Variants in PARP14 observed in about 807,000 individuals in gnomAD.
PARP14 encodes protein mono-ADP-ribosyltransferase PARP14.
A neutral mutation model predicts 154.2 loss-of-function variants in PARP14; 59 were observed. The ratio of observed to expected loss-of-function variants is 0.38; its 90% CI spans 0.31 to 0.48. The LOEUF (loss-of-function observed/expected upper bound fraction) is 0.48, where lower values mean the gene tolerates loss of function less well. Among genes scored for constraint, PARP14 ranks in the 20% least tolerant of loss-of-function variants. The pLI is 0.98. For synonymous variants in PARP14, 720 were observed against 780.5 expected (o/e 0.92, Z 1.29); for missense variants, 1,734 against 2,131.6 (o/e 0.81, Z 3.67).
intron 8 of PARP14, among the ~76,000 whole-genome samples, chr3:122,707,341 A>T (rs182478655): frequency 1.3e-5 from 2 of 151,910 alleles, no homozygotes; most frequent in African/African-American, 2.4e-5. Flanking sequence ...AGATTGTGCC[A>T]CTACACTCCA....
chr3:122,707,850 A>G (rs1254052696), intron 8 of PARP14, among the ~76,000 whole-genome samples: 2 of 152,234 alleles, frequency 1.3e-5, no homozygotes, highest in Non-Finnish European at 2.9e-5. Flanking sequence ...TTAATGGCTA[A>G]TAAATACTCC....
intron 15 of PARP14, among the ~76,000 whole-genome samples, chr3:122,725,894 A>G (rs1236367093): frequency 6.6e-6 from 1 of 150,664 alleles, no homozygotes; most frequent in East Asian, 1.9e-4. Context: ...CATTATTTCT[A>G]TTTCATTTTC....
In PARP14 at chr3:122,718,538, T is replaced by G; in HGVS notation, c.4387T>G (p.Cys1463Gly). The change falls in exon 14 of 17, where the codon TGC (cysteine) becomes GGC (glycine). Residue 1463 changes from cysteine to glycine, a missense_variant. Transcript: ENST00000474629. The part of the protein sequence containing the change: ...EQCPYTSEDE[C>G]IKDFDEKEYQ... ...GTGTCCTTACACCAGTGAAGATGAG[T>G]GCATCAAAGACTTTGATGAAAAGGA... is the stretch of plus-strand genomic sequence containing the variant. 6.2e-7 allele frequency: 1 copy of G among 1,613,724 alleles called. No homozygotes were observed. Among genetic ancestry groups the G allele is most frequent in the Non-Finnish European group, 8.5e-7 (1 of 1,179,710 alleles).
At chr3:122,688,333 G>C (rs1485534252) in intron 3 of PARP14, among the ~76,000 whole-genome samples, 1 of 152,276 alleles carries the variant, frequency 6.6e-6, no homozygotes, top group East Asian at 1.9e-4. Flanking sequence ...TGACTTCATA[G>C]ATTTTTACCT....
chr3:122,714,520 C>A, intron 12 of PARP14, 91 bp downstream of exon 12: 1 of 976,600 alleles, frequency 1.0e-6, no homozygotes. Flanking sequence ...AGTGCTGAGT[C>A]TGACCCAGGG....
At chr3:122,711,020 A>ATT (rs1560073632) in intron 9 of PARP14, among the ~76,000 whole-genome samples, 39 of 151,878 alleles carry the variant, frequency 2.6e-4, no homozygotes, top group Admixed American at 4.6e-4. Context: ...GTATACAATC[A>ATT]TATTATCTGC....
rs568836971 is a variant in PARP14, at chr3:122,707,982, C to T, written c.3541-208C>T. Among the ~76,000 whole-genome samples the T allele has an allele frequency of 3.8e-4, 58 of 152,260 alleles. 1 individual carries two copies. Among genetic ancestry groups the T allele is most frequent in the Non-Finnish European group, 6.6e-4 (45 of 68,018 alleles). ...TATTTATCCACATCGTTGTCCACAT[C>T]GTTGATATTTTCATTAGACACATTT... On this transcript the variant is annotated intron_variant, in intron 8 of 16. Coordinates refer to ENST00000474629, the MANE Select transcript of PARP14 (RefSeq NM_017554.3).
At chr3:122,698,303 T>C (rs1413755874) in intron 5 of PARP14, among the ~76,000 whole-genome samples, 1 of 152,264 alleles carries the variant, frequency 6.6e-6, no homozygotes, top group Non-Finnish European at 1.5e-5. Context: ...TTAACCCAAG[T>C]TGTTATTGGA....
intron 9 of PARP14, among the ~76,000 whole-genome samples, chr3:122,712,240 C>CTTTTTTTTTTTT (rs55876947): frequency 7.2e-6 from 1 of 138,358 alleles, no homozygotes; most frequent in Non-Finnish European, 1.6e-5. Flanking sequence ...GGATTCACAT[C>CTTTTTTTTTTTT]TTTTTTTTTT....
At chr3:122,685,477 G>A (rs1282253436) in intron 2 of PARP14, among the ~76,000 whole-genome samples, 159 bp downstream of exon 2, 4 of 151,902 alleles carry the variant, frequency 2.6e-5, no homozygotes, top group East Asian at 3.9e-4. Context: ...CAGTGGTAGG[G>A]TAGGGTAGTA....
intron 3 of PARP14, among the ~76,000 whole-genome samples, chr3:122,689,813 A>G (rs1938484342): frequency 2.0e-5 from 3 of 151,496 alleles, no homozygotes; most frequent in African/African-American, 7.3e-5. Flanking sequence ...CACCCTTACC[A>G]CAAGCTGGGA....
chr3:122,718,601 A>G lies in PARP14; in HGVS notation c.4450A>G (p.Ile1484Val), dbSNP rs1560080911. Residue 1484 changes from isoleucine (I) to valine (V), a missense_variant, in exon 14 of 17, where the codon ATT becomes GTT. By Grantham distance (29) the Ile-to-Val change is conservative. Coordinates refer to ENST00000474629, the MANE Select transcript of PARP14 (RefSeq NM_017554.3). ...ELNELQKKLNINISLDHKRPL... is the reference protein window; with the variant it reads ...ELNELQKKLNVNISLDHKRPL... Reference sequence around the variant, plus strand: ...GAATGAGCTGCAGAAGAAGTTAAATATTAACATTTCCCTGGACCATAAGAG... The same window carrying G: ...GAATGAGCTGCAGAAGAAGTTAAATGTTAACATTTCCCTGGACCATAAGAG... 1 of 1,614,006 alleles carries G rather than the reference A, an allele frequency of 6.2e-7. No homozygotes were observed. Among genetic ancestry groups the G allele is most frequent in the Non-Finnish European group, 8.5e-7 (1 of 1,179,878 alleles).
chr3:122,684,170 A>G (rs368832219), intron 1 of PARP14, among the ~76,000 whole-genome samples: 1 of 152,220 alleles, frequency 6.6e-6, no homozygotes, highest in Admixed American at 6.5e-5. Context: ...CCTTGGCCTC[A>G]TCAGGCCAGC....
rs566065267 is a variant in PARP14, at chr3:122,686,246, T to A, written c.322-834T>A. ...ATGGCTTGCTGCCTCCTTGACCTCCTGGGCTTAGGTGATCCTCCTACCTCA... is the reference window on the plus strand; with the variant it reads ...ATGGCTTGCTGCCTCCTTGACCTCCAGGGCTTAGGTGATCCTCCTACCTCA... On this transcript the variant is annotated intron_variant, in intron 2 of 16. Transcript: ENST00000474629. 1.4e-4 allele frequency among the ~76,000 whole-genome samples: 21 copies of A among 152,172 alleles called. No homozygotes were observed. The East Asian group carries it at 4.1e-3, about 30-fold the overall frequency.
chr3:122,681,210 G>T lies in PARP14; in HGVS notation c.187+140G>T, dbSNP rs1486792074. The stretch of plus-strand genomic sequence containing the variant: ...GGAGGTGGCCGGGGCGGGGGCGGGG[G>T]CGGGGGCGGCAGAATGGATTCCGAG... On this transcript the variant is annotated intron_variant, in intron 1 of 16. Coordinates refer to ENST00000474629, the MANE Select transcript of PARP14 (RefSeq NM_017554.3). The surrounding 1 kb of genome is among the most constrained non-coding windows in gnomAD (Gnocchi z 5.5). The T allele has an allele frequency of 8.2e-6, 4 of 487,568 alleles. No individual in the cohort carries two copies. The highest frequency in any genetic ancestry group is 3.8e-5 in the Admixed American group (1 of 26,126). The allele number at this position is 487,568 out of a possible 1,614,324, so 30.2% of individuals were successfully genotyped here.
chr3:122,688,881 G>A (rs1024183495), intron 3 of PARP14, among the ~76,000 whole-genome samples: 9 of 152,140 alleles, frequency 5.9e-5, no homozygotes, highest in African/African-American at 1.4e-4. Flanking sequence ...AAACTGAGGC[G>A]TCTGCAGGAG....
At chr3:122,719,327 A>G (rs1255664439) in intron 14 of PARP14, among the ~76,000 whole-genome samples, 1 of 152,234 alleles carries the variant, frequency 6.6e-6, no homozygotes, top group African/African-American at 2.4e-5. Context: ...TTCTAGAACA[A>G]AAAAGGCCAA....
intron 9 of PARP14, among the ~76,000 whole-genome samples, chr3:122,710,778 A>G (rs980084117): frequency 1.3e-5 from 2 of 150,654 alleles, no homozygotes; most frequent in African/African-American, 2.4e-5. Context: ...TTGGTTAAGT[A>G]TATTCCTAGG....
intron 15 of PARP14, 108 bp downstream of exon 15, chr3:122,720,496 G>C: frequency 9.7e-7 from 1 of 1,034,016 alleles, no homozygotes; most frequent in Non-Finnish European, 1.5e-6. Context: ...TTTAAACCCA[G>C]AATTAGAATT....
Sources: gnomAD v4.1 joint callset for allele counts (sites outside exome capture counted in the v4.1 genomes callset) on GRCh38, gnomAD v4.1.1 for gene constraint, Gnocchi (gnomAD v3.1) non-coding constraint, MANE v1.5 for transcripts, NCBI Gene and HGNC (gene_info 2026-07-23, HGNC 2026-07-21) for gene names.